SLC12A8: variants seen among roughly 807,000 people sequenced by gnomAD.
The protein encoded by SLC12A8 is cation-chloride cotransporter 9.
SLC12A8 carries 69 observed loss-of-function variants against 75.6 expected under a neutral mutation model. The ratio of observed to expected loss-of-function variants is 0.91; its 90% CI spans 0.75 to 1.11. SLC12A8 has a LOEUF of 1.11. SLC12A8 is among the 50% of genes most tolerant of loss of function. SLC12A8 has a pLI of 0.00. For missense variants in SLC12A8, 877 were observed against 896.7 expected, an observed-to-expected ratio of 0.98 and a Z score of 0.28; for synonymous variants, 365 against 372.8, an observed-to-expected ratio of 0.98 and a Z score of 0.24.
Position 125,097,214 on chromosome 3 carries a change from G to A in SLC12A8, c.1706-5016C>T, listed in dbSNP as rs528784833. On this transcript the variant is annotated intron_variant, in intron 10 of 13. Transcript: ENST00000469902. ...ATCCTGGCCAACATGGTGAAACCCCGTCTCTACTAAAAAAAATACAAAAAA... is the reference window on the plus strand; with the variant it reads ...ATCCTGGCCAACATGGTGAAACCCCATCTCTACTAAAAAAAATACAAAAAA... Among the ~76,000 whole-genome samples the A allele has an allele frequency of 2.0e-4, 26 of 130,310 alleles. No individual in the cohort carries two copies. The South Asian group carries it at 3.7e-3, about 18-fold the overall frequency. 85.5% of individuals were successfully genotyped at this position (130,310 alleles called of 152,430 possible).
chr3:125,087,022 T>A (rs1316566886), intron 13 of SLC12A8, among the ~76,000 whole-genome samples: 3 of 152,190 alleles, frequency 2.0e-5, no homozygotes, highest in African/African-American at 7.2e-5. Flanking sequence ...GTGAATGTCC[T>A]TAATGCCACT....
chr3:125,089,913 C>T (rs544272106), intron 12 of SLC12A8, among the ~76,000 whole-genome samples: 1 of 151,632 alleles, frequency 6.6e-6, no homozygotes, highest in South Asian at 2.1e-4. Flanking sequence ...TTAGCTACAT[C>T]CCACAATTTT....
Position 125,107,982 on chromosome 3 carries a change from AAGAGT to A in SLC12A8, c.1199_1203del (p.Tyr400LeufsTer16). 6.2e-7 allele frequency: 1 copy of A among 1,614,178 alleles called. No individual in the cohort carries two copies. Among genetic ancestry groups the A allele is most frequent in the Non-Finnish European group, 8.5e-7 (1 of 1,180,010 alleles). On this transcript the variant is annotated frameshift_variant, in exon 10 of 14. Transcript: ENST00000469902. LOFTEE classifies it high-confidence loss of function. ...CAGGAACACATGGACAGGGAGAAGT[AAGAGT>A]AGTCCACTGCAACGTATGTCAGCAT...
intron 8 of SLC12A8, among the ~76,000 whole-genome samples, chr3:125,111,933 G>T (rs2107745222): frequency 6.6e-6 from 1 of 152,336 alleles, no homozygotes; most frequent in Admixed American, 6.5e-5. Context: ...GGAACAGCTT[G>T]GCCAGGATGC....
chr3:125,148,520 C>A (rs1933841900), intron 5 of SLC12A8, among the ~76,000 whole-genome samples: 1 of 151,708 alleles, frequency 6.6e-6, no homozygotes, highest in African/African-American at 2.4e-5. Context: ...GTGGGGGGCC[C>A]ACGTGGGTCC....
intron 2 of SLC12A8, among the ~76,000 whole-genome samples, chr3:125,200,338 A>G (rs1935095952): frequency 1.3e-5 from 2 of 152,066 alleles, no homozygotes; most frequent in African/African-American, 4.8e-5. Flanking sequence ...GGTCCTAGCT[A>G]TTTAGGAGGC....
intron 5 of SLC12A8, among the ~76,000 whole-genome samples, chr3:125,169,013 A>C (rs986754177): frequency 1.3e-5 from 2 of 152,224 alleles, no homozygotes; most frequent in African/African-American, 4.8e-5. Context: ...AGACCAGGCT[A>C]CCGTCTTCCT....
At chr3:125,097,428 T>A (rs1938743940) in intron 10 of SLC12A8, among the ~76,000 whole-genome samples, 1 of 151,910 alleles carries the variant, frequency 6.6e-6, no homozygotes, top group Non-Finnish European at 1.5e-5. Flanking sequence ...GGTTAAGAAC[T>A]TATATTTTTG....
At chr3:125,127,091 G>C (rs1055927041) in intron 6 of SLC12A8, among the ~76,000 whole-genome samples, 2 of 152,182 alleles carry the variant, frequency 1.3e-5, no homozygotes, top group Admixed American at 1.3e-4. Context: ...AGGAGAGATG[G>C]GCTCTGCTCC....
At chr3:125,202,848 G>A (rs889232402) in intron 2 of SLC12A8, among the ~76,000 whole-genome samples, 1 of 152,054 alleles carries the variant, frequency 6.6e-6, no homozygotes, top group African/African-American at 2.4e-5. Flanking sequence ...AGTACTTTGG[G>A]AGGCCAAGGC....
rs1014772559 is a variant in SLC12A8 at position 125,096,675 on chromosome 3, T to C, written c.1706-4477A>G. Among the ~76,000 whole-genome samples, 62 of 152,204 alleles carry C rather than the reference T, an allele frequency of 4.1e-4. 1 individual carries two copies. Among genetic ancestry groups the C allele is most frequent in the Admixed American group, 2.6e-4 (4 of 15,280 alleles). ...CTCTAGGCATTTAGAAGTTTGTGTA[T>C]AGGAAGCGCTCAGTAAAAGTCTCCT... On this transcript the variant is annotated intron_variant, in intron 10 of 13. Transcript: ENST00000469902.
chr3:125,132,378 G>T (rs1363439679), intron 6 of SLC12A8, among the ~76,000 whole-genome samples: 1 of 152,232 alleles, frequency 6.6e-6, no homozygotes, highest in Non-Finnish European at 1.5e-5. Flanking sequence ...CTTAAGAAAA[G>T]TCAGGCAGGA....
chr3:125,176,596 A>G (rs929922274), intron 5 of SLC12A8, among the ~76,000 whole-genome samples: 2 of 152,242 alleles, frequency 1.3e-5, no homozygotes, highest in African/African-American at 4.8e-5. Flanking sequence ...GCTAATATCC[A>G]GAATCTACAA....
intron 4 of SLC12A8, among the ~76,000 whole-genome samples, chr3:125,186,882 C>A (rs555242168): frequency 6.6e-6 from 1 of 152,370 alleles, no homozygotes; most frequent in Non-Finnish European, 1.5e-5. Context: ...AAAAAAGCGT[C>A]CCAGGGCCCA....
intron 10 of SLC12A8, among the ~76,000 whole-genome samples, chr3:125,100,380 C>T (rs113304653): frequency 1.3e-5 from 2 of 151,822 alleles, no homozygotes; most frequent in Admixed American, 6.6e-5. Flanking sequence ...ATTTTTATAG[C>T]TTAATAGATA....
intron 10 of SLC12A8, among the ~76,000 whole-genome samples, chr3:125,105,752 G>A (rs866714335): frequency 6.6e-6 from 1 of 152,220 alleles, no homozygotes; most frequent in Non-Finnish European, 1.5e-5. Flanking sequence ...AATCCAGGCA[G>A]GGTGTGGTGG....
intron 10 of SLC12A8, 138 bp downstream of exon 10, chr3:125,107,343 A>G: frequency 1.3e-6 from 1 of 773,660 alleles, no homozygotes; most frequent in South Asian, 1.8e-5. Flanking sequence ...ACCTGAATAT[A>G]ATGTTTTAAA....
At chr3:125,099,159 G>A (rs530175722) in intron 10 of SLC12A8, among the ~76,000 whole-genome samples, 1 of 144,882 alleles carries the variant, frequency 6.9e-6, no homozygotes, top group East Asian at 2.1e-4. Flanking sequence ...AGAGCCTTAA[G>A]GGCTATGCAG....
intron 2 of SLC12A8, among the ~76,000 whole-genome samples, chr3:125,199,939 GTAAAATGA>G (rs1935088659): frequency 6.6e-6 from 1 of 152,118 alleles, no homozygotes; most frequent in African/African-American, 2.4e-5. Flanking sequence ...GAAACAGGAA[GTAAAATGA>G]TAACAAATTG....
Sources: allele counts gnomAD v4.1 joint callset (sites outside exome capture counted in the v4.1 genomes callset), GRCh38; gene constraint gnomAD v4.1.1; transcripts MANE v1.5; gene names NCBI Gene and HGNC (gene_info 2026-07-23, HGNC 2026-07-21).